The following SLC2A9 variants were observed in gnomAD, a reference collection of about 807,000 sequenced individuals.
SLC2A9 encodes the protein solute carrier family 2 member 9.
A neutral mutation model predicts 50.6 loss-of-function variants in SLC2A9; 39 were observed. The observed-to-expected ratio is 0.77, with a 90% CI of 0.60 to 1.01. The LOEUF is 1.01. Ranked by LOEUF, SLC2A9 falls within the 50% of genes least tolerant of loss-of-function variation. The pLI, the probability that SLC2A9 is intolerant of heterozygous loss-of-function variation, is 0.00. For synonymous variants in SLC2A9, 324 were observed against 276.9 expected (o/e 1.17, Z -1.69); for missense variants, 686 against 677.6 (o/e 1.01, Z -0.14).
At chr4:9,870,691 A>C (rs1560216043) in intron 10 of SLC2A9, among the ~76,000 whole-genome samples, 1 of 152,252 alleles carries the variant, frequency 6.6e-6, no homozygotes, top group Non-Finnish European at 1.5e-5. Context: ...CGAACATGTG[A>C]AAATGCAAGG....
intron 6 of SLC2A9, among the ~76,000 whole-genome samples, chr4:9,929,915 A>T (rs1191441385): frequency 6.6e-6 from 1 of 152,168 alleles, no homozygotes; most frequent in Non-Finnish European, 1.5e-5. Flanking sequence ...GGCTGCAGAC[A>T]CTGCCTTCTC....
downstream of SLC2A9, among the ~76,000 whole-genome samples, chr4:9,775,344 C>T (rs1372161798): frequency 6.6e-6 from 1 of 152,142 alleles, no homozygotes; most frequent in Non-Finnish European, 1.5e-5. Context: ...CCTCAGCCCC[C>T]ATGCAGCATC....
chr4:9,846,223 A>G (rs1728971392), intron 10 of SLC2A9, among the ~76,000 whole-genome samples: 1 of 152,226 alleles, frequency 6.6e-6, no homozygotes, highest in Non-Finnish European at 1.5e-5. Flanking sequence ...GAAAATGCAC[A>G]GGCTCCCAAA....
At chr4:9,934,803 C>T (rs2110205629) in intron 6 of SLC2A9, among the ~76,000 whole-genome samples, 1 of 152,226 alleles carries the variant, frequency 6.6e-6, no homozygotes, top group Non-Finnish European at 1.5e-5. Context: ...TAATGCTCTC[C>T]CTCCCCTCAG....
chr4:9,805,046 C>T (rs1180602765), intron 3 of SLC2A9, among the ~76,000 whole-genome samples: 2 of 152,174 alleles, frequency 1.3e-5, no homozygotes, highest in Non-Finnish European at 2.9e-5. Flanking sequence ...AGTAGAGTTG[C>T]CCTGGCCTCG....
chr4:9,980,549 A>G, intron 5 of SLC2A9, 43 bp downstream of exon 5: 1 of 1,613,348 alleles, frequency 6.2e-7, no homozygotes, highest in Non-Finnish European at 8.5e-7. Flanking sequence ...CAGTGGTAAC[A>G]TGAGATGAGA....
chr4:10,038,680 C>T (rs756075379), intron 1 of SLC2A9, among the ~76,000 whole-genome samples: 7 of 152,108 alleles, frequency 4.6e-5, no homozygotes, highest in Non-Finnish European at 7.3e-5. Context: ...ATTTTAAAGT[C>T]GCTTGATGGA....
Position 9,931,940 on chromosome 4 carries a change from C to CAA in SLC2A9, c.814+9972_814+9973insTT, listed in dbSNP as rs1238084816. On this transcript the variant is annotated intron_variant, in intron 6 of 11. Coordinates refer to ENST00000264784, the MANE Select transcript of SLC2A9 (RefSeq NM_020041.3). ...TCTCTCTCTCTCTCTCTCTCTCTCT[C>CAA]TCTCTCTCTCTCTCTCTCTCTCTAT... is the stretch of plus-strand genomic sequence containing the variant. 2.3e-3 allele frequency among the ~76,000 whole-genome samples: 133 copies of CAA among 58,178 alleles called. 6 individuals are homozygous for CAA. Among genetic ancestry groups the CAA allele is most frequent in the African/African-American group, 0.012 (116 of 9,548 alleles). 38.2% of individuals were successfully genotyped at this position (58,178 alleles called of 152,430 possible).
chr4:9,978,655 G>A (rs996370249), intron 5 of SLC2A9, among the ~76,000 whole-genome samples: 3 of 152,092 alleles, frequency 2.0e-5, no homozygotes, highest in South Asian at 4.1e-4. Flanking sequence ...TAACACACTC[G>A]CAATTAATTA....
At chr4:9,867,020 A>G (rs183739017) in intron 10 of SLC2A9, among the ~76,000 whole-genome samples, 53 of 152,344 alleles carry the variant, frequency 3.5e-4, no homozygotes, top group African/African-American at 1.2e-3. Context: ...TGGGGAGACG[A>G]ACAGTAGTCC....
intron 10 of SLC2A9, among the ~76,000 whole-genome samples, chr4:9,885,877 T>C (rs976439309): frequency 3.3e-5 from 5 of 152,062 alleles, no homozygotes; most frequent in Admixed American, 1.3e-4. Flanking sequence ...CAGAGGTGAG[T>C]AGTTGTGATA....
chr4:9,772,469 C>G (rs1257436137), intron 1 of SLC2A9, among the ~76,000 whole-genome samples: 2 of 152,186 alleles, frequency 1.3e-5, no homozygotes, highest in African/African-American at 4.8e-5. Flanking sequence ...TTAGTGCACA[C>G]CTGGTCTGAC....
At chr4:10,001,117 C>T (rs566874303) in intron 2 of SLC2A9, among the ~76,000 whole-genome samples, 1 of 152,066 alleles carries the variant, frequency 6.6e-6, no homozygotes, top group African/African-American at 2.4e-5. Flanking sequence ...TGACTGGTGT[C>T]CTTTATAGAA....
chr4:10,003,977 G>A (rs558173895), intron 2 of SLC2A9, among the ~76,000 whole-genome samples: 2 of 152,274 alleles, frequency 1.3e-5, no homozygotes, highest in South Asian at 2.1e-4. Flanking sequence ...GAGCCACAAG[G>A]GGCCCTCCCA....
Position 9,815,301 on chromosome 4 carries a change from A to G in SLC2A9, n.420+11119T>C, listed in dbSNP as rs373223869. 5.3e-5 allele frequency among the ~76,000 whole-genome samples: 8 copies of G among 152,204 alleles called. No homozygotes were observed. The East Asian group carries it at 1.3e-3, about 26-fold the overall frequency. ...TGCGCCCCACAGATACAACTTGTCA[A>G]GTGTCTAAAGAATTGGGCTGACTTC... On this transcript the variant is annotated intron_variant and non_coding_transcript_variant, in intron 3 of 3. Transcript: ENST00000503280.
chr4:9,807,189 C>A (rs966510188), intron 3 of SLC2A9, among the ~76,000 whole-genome samples: 1 of 152,228 alleles, frequency 6.6e-6, no homozygotes, highest in Admixed American at 6.5e-5. Context: ...GTGCACCCCT[C>A]TGTCCTTTGT....
chr4:9,837,761 C>T (rs969766516), intron 10 of SLC2A9, among the ~76,000 whole-genome samples: 9 of 152,162 alleles, frequency 5.9e-5, no homozygotes, highest in Admixed American at 1.3e-4. Flanking sequence ...ATATCAGATC[C>T]TCTCTTTCAC....
intron 5 of SLC2A9, among the ~76,000 whole-genome samples, chr4:9,966,265 C>G (rs1014125855): frequency 7.2e-5 from 11 of 152,170 alleles, no homozygotes; most frequent in African/African-American, 2.4e-4. Flanking sequence ...ATTTCTATTT[C>G]TGAAACACTA....
intron 10 of SLC2A9, among the ~76,000 whole-genome samples, chr4:9,850,813 T>C (rs1408779831): frequency 2.6e-5 from 4 of 152,140 alleles, no homozygotes; most frequent in African/African-American, 4.8e-5. Flanking sequence ...ATGCCACCAC[T>C]GCTGGCATGT....
Sources: gnomAD v4.1 joint callset for allele counts (sites outside exome capture counted in the v4.1 genomes callset) on GRCh38, gnomAD v4.1.1 for gene constraint, MANE v1.5 for transcripts, NCBI Gene and HGNC (gene_info 2026-07-23, HGNC 2026-07-21) for gene names.